Variants in RNF144A observed in about 807,000 individuals in gnomAD.
The protein encoded by RNF144A is E3 ubiquitin-protein ligase RNF144A.
Under a neutral mutation model 38.7 loss-of-function variants are expected in RNF144A, and 11 were observed. That is an observed-to-expected ratio of 0.28 (90% CI 0.18 to 0.47). The LOEUF (loss-of-function observed/expected upper bound fraction) is 0.47. Among genes scored for constraint, RNF144A ranks in the 20% least tolerant of loss-of-function variants. The pLI is 0.99. For missense variants in RNF144A, 316 were observed against 377.2 expected (o/e 0.84, Z 1.34); for synonymous variants, 149 against 143.9 (o/e 1.04, Z -0.25).
intron 1 of RNF144A, among the ~76,000 whole-genome samples, chr2:6,930,855 A>G (rs1665165463): frequency 6.6e-6 from 1 of 152,152 alleles, no homozygotes; most frequent in Admixed American, 6.5e-5. Context: ...CGGCCTCCCA[A>G]AGTGCTTGGA....
intron 2 of RNF144A, among the ~76,000 whole-genome samples, chr2:6,992,803 T>C (rs749062415): frequency 1.1e-4 from 16 of 152,210 alleles, no homozygotes; most frequent in Non-Finnish European, 1.8e-4. Flanking sequence ...CTTCCAGCTC[T>C]CTCTTATCCT....
intron 5 of RNF144A, among the ~76,000 whole-genome samples, chr2:7,019,357 G>T (rs1002048233): frequency 6.6e-6 from 1 of 152,224 alleles, no homozygotes; most frequent in African/African-American, 2.4e-5. Flanking sequence ...GTCCACGTGC[G>T]GCGCCAGCAT....
At chr2:7,011,176 CAT>C (rs1670772016) in intron 3 of RNF144A, among the ~76,000 whole-genome samples, 1 of 152,072 alleles carries the variant, frequency 6.6e-6, no homozygotes, top group African/African-American at 2.4e-5. Flanking sequence ...AGGTTTATAA[CAT>C]AGTATTATGG....
chr2:6,989,515 T>C (rs1378696568), intron 2 of RNF144A, among the ~76,000 whole-genome samples: 2 of 152,214 alleles, frequency 1.3e-5, no homozygotes, highest in Admixed American at 6.5e-5. Flanking sequence ...GTCAGCACCT[T>C]TCCCCCACCC....
chr2:6,950,818 C>T (rs1666629155), intron 2 of RNF144A, among the ~76,000 whole-genome samples: 1 of 152,198 alleles, frequency 6.6e-6, no homozygotes, highest in Non-Finnish European at 1.5e-5. Context: ...GTTTTGTCCA[C>T]TGTAAAATGA....
At chr2:6,946,537 A>G (rs1423798309) in intron 2 of RNF144A, among the ~76,000 whole-genome samples, 1 of 152,032 alleles carries the variant, frequency 6.6e-6, no homozygotes, top group Non-Finnish European at 1.5e-5. Flanking sequence ...TTGTATGTAC[A>G]TAAATATATA....
chr2:7,060,559 T>C (rs984653607), intron 6 of RNF144A, among the ~76,000 whole-genome samples: 7 of 152,162 alleles, frequency 4.6e-5, no homozygotes, highest in Non-Finnish European at 8.8e-5. Context: ...AAAAATGAAA[T>C]GGAGAGAAAG....
At chr2:7,021,580 G>A (rs1176715805) in intron 6 of RNF144A, among the ~76,000 whole-genome samples, 1 of 152,200 alleles carries the variant, frequency 6.6e-6, no homozygotes, top group Non-Finnish European at 1.5e-5. Flanking sequence ...CTTCAGGTGG[G>A]GATCACATCC....
chr2:7,014,783 G>A lies in RNF144A; in HGVS notation c.301+11G>A, dbSNP rs1274591708. On this transcript the variant is annotated intron_variant, in intron 5 of 8. Coordinates refer to ENST00000320892, the MANE Select transcript of RNF144A (RefSeq NM_014746.6). ...TACAATTTGAAAGAGGTAGGTGCCT[G>A]GTATATCTGCCGGTTATGATTCCTG... The A allele has an allele frequency of 2.5e-6, 4 of 1,592,430 alleles. No homozygotes were observed. The highest frequency in any genetic ancestry group is 2.6e-6 in the Non-Finnish European group (3 of 1,161,464).
intron 2 of RNF144A, among the ~76,000 whole-genome samples, chr2:6,964,854 A>G (rs1378855019): frequency 6.6e-6 from 1 of 152,092 alleles, no homozygotes; most frequent in African/African-American, 2.4e-5. Context: ...GCTTTAGGAG[A>G]TATACCTAAT....
chr2:6,966,314 G>A (rs1667664319), intron 2 of RNF144A, among the ~76,000 whole-genome samples: 1 of 152,212 alleles, frequency 6.6e-6, no homozygotes, highest in South Asian at 2.1e-4. Context: ...TTCTAGCTAG[G>A]ATGCAGAAAC....
At chr2:6,968,803 A>G (rs1667826224) in intron 2 of RNF144A, among the ~76,000 whole-genome samples, 1 of 152,124 alleles carries the variant, frequency 6.6e-6, no homozygotes, top group Admixed American at 6.5e-5. Context: ...GTCTCTTGGC[A>G]TCATCCTCCT....
intron 7 of RNF144A, among the ~76,000 whole-genome samples, chr2:7,024,778 T>C (rs948122304): frequency 6.6e-6 from 1 of 151,980 alleles, no homozygotes; most frequent in African/African-American, 2.4e-5. Context: ...TTTAAAGGGG[T>C]TTTAGCATCT....
chr2:7,064,187 A>G (rs1674101677), intron 6 of RNF144A, among the ~76,000 whole-genome samples: 1 of 152,154 alleles, frequency 6.6e-6, no homozygotes, highest in Non-Finnish European at 1.5e-5. Flanking sequence ...ACACTGTTGC[A>G]TTGCATTGTG....
downstream of RNF144A, among the ~76,000 whole-genome samples, chr2:7,047,656 T>G (rs1297871977): frequency 6.6e-6 from 1 of 152,190 alleles, no homozygotes; most frequent in African/African-American, 2.4e-5. Context: ...ACCAGTCACT[T>G]GGGATGGTTC....
intron 6 of RNF144A, among the ~76,000 whole-genome samples, chr2:7,022,282 A>G (rs540363265): frequency 7.9e-5 from 12 of 152,140 alleles, no homozygotes; most frequent in Non-Finnish European, 1.8e-4. Flanking sequence ...CCATGTTTTT[A>G]TCCAGCCCCT....
At position 7,024,510 on chromosome 2, in the gene RNF144A, T is replaced by A; in HGVS notation, c.651T>A (p.Ser217=). Residue 217 remains serine (S), a synonymous_variant, in exon 7 of 9, where the codon TCT becomes TCA. Transcript: ENST00000320892. ...KHAFCWYCLE[S]LDDDFLLIHY... ...CCTTCTGCTGGTACTGCCTGGAGTC[T>A]CTGGACGTGAGTACGGCCTTCAGCT... is the stretch of plus-strand genomic sequence containing the variant. The A allele has an allele frequency of 6.2e-7, 1 of 1,605,568 alleles. No individual in the cohort carries two copies. Among genetic ancestry groups the A allele is most frequent in the Non-Finnish European group, 8.5e-7 (1 of 1,172,850 alleles).
intron 1 of RNF144A, among the ~76,000 whole-genome samples, chr2:6,932,638 G>A (rs141851558): frequency 9.2e-5 from 14 of 152,134 alleles, no homozygotes; most frequent in South Asian, 8.3e-4. Context: ...GCCTAATTTG[G>A]TATCCGGTCA....
At position 7,057,787 on chromosome 2, in the gene RNF144A, T is replaced by C. The variant is rs541251367; in HGVS notation, c.735-10429T>C. ...CATCATCATAATTGCTTGGAGTGAATAGATAAAAATTGAAAAAAATCTTGG... is the reference window on the plus strand; with the variant it reads ...CATCATCATAATTGCTTGGAGTGAACAGATAAAAATTGAAAAAAATCTTGG... On this transcript the variant is annotated intron_variant, in intron 6 of 6. Transcript: ENST00000432850. Among the ~76,000 whole-genome samples, 6 of 152,230 alleles carry C rather than the reference T, an allele frequency of 3.9e-5. 1 individual carries two copies. The highest frequency in any genetic ancestry group is 8.8e-5 in the Non-Finnish European group (6 of 68,026).
Sources: gnomAD v4.1 joint callset for allele counts (sites outside exome capture counted in the v4.1 genomes callset) on GRCh38, gnomAD v4.1.1 for gene constraint, MANE v1.5 for transcripts, NCBI Gene and HGNC (gene_info 2026-07-23, HGNC 2026-07-21) for gene names.